Variants in NEBL observed in about 807,000 individuals in gnomAD.
NEBL encodes the protein LIM and SH3 protein 2.
A neutral mutation model predicts 140.2 loss-of-function variants in NEBL; 122 were observed. That is an observed-to-expected ratio of 0.87 (90% CI 0.75 to 1.01). The LOEUF (loss-of-function observed/expected upper bound fraction) is 1.01. Among genes scored for constraint, NEBL ranks in the 50% least tolerant of loss-of-function variants. The pLI, the probability that NEBL is intolerant of heterozygous loss-of-function variation, is 0.00. For synonymous variants in NEBL, 436 were observed against 398.9 expected (o/e 1.09, Z -1.11); for missense variants, 1,365 against 1,231.3 (o/e 1.11, Z -1.62).
chr10:21,172,383 G>A (rs751885367), exon 2 of NEBL: 5 of 1,607,902 alleles, frequency 3.1e-6, no homozygotes, highest in South Asian at 1.1e-5. Context: ...CAATACTTAC[G>A]CATTACAATA....
intron 26 of NEBL, among the ~76,000 whole-genome samples, chr10:20,795,562 G>A (rs958513997): frequency 1.3e-5 from 2 of 151,046 alleles, no homozygotes; most frequent in Non-Finnish European, 3.0e-5. Flanking sequence ...CGTGTGCAAT[G>A]TGTGTGTGTG....
chr10:20,902,773 C>T (rs1847926083), intron 4 of NEBL, among the ~76,000 whole-genome samples: 1 of 152,044 alleles, frequency 6.6e-6, no homozygotes, highest in Non-Finnish European at 1.5e-5. Flanking sequence ...AGGAAGAAAC[C>T]TAAGCTCTTC....
exon 4 of NEBL, chr10:20,961,768 T>C: frequency 6.2e-7 from 1 of 1,613,286 alleles, no homozygotes; most frequent in Non-Finnish European, 8.5e-7. Context: ...CAAAATCTCT[T>C]TTGTACTTGA....
chr10:21,003,842 C>T (rs45470794), intron 3 of NEBL, among the ~76,000 whole-genome samples: 21,531 of 152,102 alleles, frequency 0.14, 2,038 homozygotes, highest in African/African-American at 0.27. Context: ...AATCTCAAAA[C>T]GTATCTAAAT....
At chr10:21,124,227 T>G (rs12218142) in intron 2 of NEBL, among the ~76,000 whole-genome samples, 7,994 of 152,272 alleles carry the variant, frequency 0.052, 377 homozygotes, top group East Asian at 0.23. Flanking sequence ...GGTAAAGCTT[T>G]TAGCATATTG....
At chr10:21,045,366 C>T (rs144659321) in intron 2 of NEBL, among the ~76,000 whole-genome samples, 158 of 152,228 alleles carry the variant, frequency 1.0e-3, no homozygotes, top group African/African-American at 3.4e-3. Flanking sequence ...CTCAATCTCG[C>T]GATACTAACT....
intron 16 of NEBL, among the ~76,000 whole-genome samples, chr10:20,829,392 C>T (rs980764077): frequency 2.1e-5 from 3 of 141,590 alleles, no homozygotes; most frequent in East Asian, 4.2e-4. Flanking sequence ...ACAATGAGAA[C>T]ACATGGACAC....
intron 3 of NEBL, among the ~76,000 whole-genome samples, chr10:21,014,130 A>G (rs114824385): frequency 0.012 from 1,889 of 151,834 alleles, 30 homozygotes; most frequent in African/African-American, 0.043. Context: ...TATTATTATT[A>G]ATATTATTTT....
At chr10:21,060,922 T>G (rs1279564984) in intron 2 of NEBL, among the ~76,000 whole-genome samples, 1 of 152,190 alleles carries the variant, frequency 6.6e-6, no homozygotes, top group East Asian at 1.9e-4. Context: ...TGGAGTGCCA[T>G]GCTCCTTTGG....
chr10:20,799,939 G>A (rs1836937284), intron 26 of NEBL, among the ~76,000 whole-genome samples: 2 of 151,586 alleles, frequency 1.3e-5, no homozygotes, highest in African/African-American at 2.4e-5. Flanking sequence ...GTGTGTGTGT[G>A]TGTGTGTGTG....
At chr10:21,238,729 A>G (rs1163239284) in intron 3 of NEBL, among the ~76,000 whole-genome samples, 1 of 145,578 alleles carries the variant, frequency 6.9e-6, no homozygotes, top group African/African-American at 2.8e-5. Context: ...AAAAAAAAAA[A>G]AAAAAAAAAA....
intron 3 of NEBL, among the ~76,000 whole-genome samples, chr10:21,204,717 G>T (rs1379497947): frequency 1.3e-5 from 2 of 152,170 alleles, no homozygotes; most frequent in African/African-American, 4.8e-5. Context: ...ATGACACCCA[G>T]CCTGCCCTGC....
chr10:20,793,627 C>T (rs180899158), intron 26 of NEBL, among the ~76,000 whole-genome samples: 25 of 151,732 alleles, frequency 1.6e-4, no homozygotes, highest in Admixed American at 1.4e-3. Context: ...CATCTCAGCT[C>T]ACCGCAGCCT....
intron 3 of NEBL, among the ~76,000 whole-genome samples, chr10:20,888,688 C>CT (rs1491460655): frequency 6.6e-6 from 1 of 152,100 alleles, no homozygotes; most frequent in Non-Finnish European, 1.5e-5. Flanking sequence ...CTAGCCTGCA[C>CT]TGTCTTTAAG....
At chr10:20,882,032 A>G (rs1473923247) in intron 4 of NEBL, among the ~76,000 whole-genome samples, 1 of 152,108 alleles carries the variant, frequency 6.6e-6, no homozygotes, top group Non-Finnish European at 1.5e-5. Context: ...TCGAAAATTA[A>G]CCAGGTGTGG....
At chr10:21,003,620 G>T (rs1050186385) in intron 3 of NEBL, among the ~76,000 whole-genome samples, 13 of 152,098 alleles carry the variant, frequency 8.5e-5, no homozygotes, top group African/African-American at 2.4e-4. Context: ...TTGACTGAGG[G>T]ATGACGTCAT....
chr10:21,149,480 G>A (rs12261588), intron 2 of NEBL, among the ~76,000 whole-genome samples: 23,957 of 151,922 alleles, frequency 0.16, 2,101 homozygotes, highest in East Asian at 0.34. Flanking sequence ...TAGTAGATAC[G>A]GGGTTTCACC....
intron 2 of NEBL, among the ~76,000 whole-genome samples, chr10:21,025,470 A>C (rs953772456): frequency 6.6e-6 from 1 of 152,248 alleles, no homozygotes; most frequent in Non-Finnish European, 1.5e-5. Context: ...GGTCACAGAA[A>C]GATGACTTCA....
intron 26 of NEBL, chr10:20,793,297 C>T (rs1159795614): frequency 2.2e-6 from 2 of 919,812 alleles, no homozygotes; most frequent in Non-Finnish European, 1.3e-6. Context: ...TAAGCTCAAG[C>T]TTTGGGAATC....
Sources: gnomAD v4.1 joint callset for allele counts (sites outside exome capture counted in the v4.1 genomes callset) on GRCh38, gnomAD v4.1.1 for gene constraint, MANE v1.5 for transcripts, NCBI Gene and HGNC (gene_info 2026-07-23, HGNC 2026-07-21) for gene names.